ZNF277: variants seen among roughly 807,000 people sequenced by gnomAD.
ZNF277 encodes the protein nuclear receptor-interacting factor 4.
In ZNF277, 55 loss-of-function variants were observed where a neutral mutation model predicts 60.7. That is an observed-to-expected ratio of 0.91 (90% CI 0.73 to 1.13). The LOEUF (loss-of-function observed/expected upper bound fraction) is 1.13, where lower values mean the gene tolerates loss of function less well. ZNF277 is among the 50% of genes most tolerant of loss of function. The pLI, the probability that ZNF277 is intolerant of heterozygous loss-of-function variation, is 0.00. For missense variants in ZNF277, 510 were observed against 523.0 expected (o/e 0.98, Z 0.24); for synonymous variants, 178 against 179.3 (o/e 0.99, Z 0.06).
At chr7:112,217,720 C>G (rs1185051737) in intron 1 of ZNF277, among the ~76,000 whole-genome samples, 3 of 152,202 alleles carry the variant, frequency 2.0e-5, no homozygotes, top group African/African-American at 7.2e-5. Context: ...AAATTAACCA[C>G]CAGATTAAAA....
intron 1 of ZNF277, among the ~76,000 whole-genome samples, chr7:112,215,801 G>GT (rs1447913738): frequency 2.6e-5 from 4 of 151,936 alleles, no homozygotes; most frequent in Non-Finnish European, 4.4e-5. Flanking sequence ...TTTTTTTAGT[G>GT]TTTTTATCCA....
chr7:112,207,483 C>T (rs893953014), intron 1 of ZNF277, among the ~76,000 whole-genome samples: 2 of 152,198 alleles, frequency 1.3e-5, no homozygotes, highest in Non-Finnish European at 2.9e-5. Flanking sequence ...GCACTCGTGG[C>T]TTCAAAGAAC....
intron 1 of ZNF277, among the ~76,000 whole-genome samples, chr7:112,224,547 G>A (rs556432908): frequency 2.0e-5 from 3 of 152,274 alleles, no homozygotes; most frequent in East Asian, 1.9e-4. Flanking sequence ...TCAGGGATAA[G>A]GGGGGATTCC....
chr7:112,266,995 G>A (rs1791565053), intron 1 of ZNF277, among the ~76,000 whole-genome samples: 1 of 152,070 alleles, frequency 6.6e-6, no homozygotes, highest in Admixed American at 6.6e-5. Context: ...TCCTTTTTGA[G>A]TAAGAGTTTG....
chr7:112,310,489 G>GAGAGAGAGAGAGAGAGAGAGAA (rs1305151299), intron 4 of ZNF277, among the ~76,000 whole-genome samples: 31 of 142,904 alleles, frequency 2.2e-4, no homozygotes, highest in African/African-American at 8.6e-4. Flanking sequence ...GTGTGTGTGT[G>GAGAGAGAGAGAGAGAGAGAGAA]TGTATGTATT....
rs549618003 is a variant in ZNF277 at position 112,328,872 on chromosome 7, A to AAAAT, written c.668+1064_668+1067dup. Among the ~76,000 whole-genome samples the AAAAT allele has an allele frequency of 4.6e-3, 699 of 152,226 alleles. 3 individuals are homozygous for AAAAT. Among genetic ancestry groups the AAAAT allele is most frequent in the Non-Finnish European group, 6.6e-3 (448 of 68,004 alleles). ...GCAACAAGAGCAAAACTCTGTCTCAAAAATAAATAAATAAATAAATAAGAG... is the reference window on the plus strand; with the variant it reads ...GCAACAAGAGCAAAACTCTGTCTCAAAAATAAATAAATAAATAAATAAATAAGAG... On this transcript the variant is annotated intron_variant, in intron 6 of 11. Coordinates refer to ENST00000361822, the MANE Select transcript of ZNF277 (RefSeq NM_021994.3).
chr7:112,278,917 G>A (rs1191791342), intron 1 of ZNF277, among the ~76,000 whole-genome samples: 1 of 151,924 alleles, frequency 6.6e-6, no homozygotes, highest in African/African-American at 2.4e-5. Flanking sequence ...ACTTTCCCCA[G>A]CCCTGGCAAC....
intron 1 of ZNF277, among the ~76,000 whole-genome samples, chr7:112,222,272 C>T (rs1822050328): frequency 6.6e-6 from 1 of 152,190 alleles, no homozygotes. Flanking sequence ...GTTAGTTCAT[C>T]TTTAAATGTT....
At chr7:112,256,882 C>T (rs1473137767) in intron 1 of ZNF277, among the ~76,000 whole-genome samples, 2 of 152,132 alleles carry the variant, frequency 1.3e-5, no homozygotes, top group Non-Finnish European at 2.9e-5. Flanking sequence ...CTTCTCTTTG[C>T]ATTTTCATAC....
chr7:112,296,364 A>G (rs1792330364), intron 4 of ZNF277, 53 bp downstream of exon 4: 3 of 848,242 alleles, frequency 3.5e-6, no homozygotes, highest in Admixed American at 2.8e-5. Context: ...ATATAAATAC[A>G]TATAAAATCA....
Position 112,260,124 on chromosome 7 carries a change from G to A in ZNF277, c.92-26749G>A, listed in dbSNP as rs10249415. Among the ~76,000 whole-genome samples, 1,214 of 152,118 alleles carry A rather than the reference G, an allele frequency of 8.0e-3. 13 individuals carry two copies. Among genetic ancestry groups the A allele is most frequent in the African/African-American group, 0.028 (1,153 of 41,488 alleles). ...TCTACTAAAAATACAAAAATTATCC[G>A]GCATGGTGGTGTGCGCCTGTGGTCC... On this transcript the variant is annotated intron_variant, in intron 1 of 11. Coordinates refer to ENST00000361822, the MANE Select transcript of ZNF277 (RefSeq NM_021994.3).
chr7:112,331,356 A>C (rs977729964), intron 7 of ZNF277, among the ~76,000 whole-genome samples: 1 of 152,218 alleles, frequency 6.6e-6, no homozygotes, highest in South Asian at 2.1e-4. Flanking sequence ...CTCCAGAGGA[A>C]TTGGAAGAAA....
At chr7:112,334,593 A>G (rs1308394001) in intron 7 of ZNF277, among the ~76,000 whole-genome samples, 1 of 152,032 alleles carries the variant, frequency 6.6e-6, no homozygotes, top group Non-Finnish European at 1.5e-5. Context: ...GGCCTAGATA[A>G]CTCTCTACAT....
At chr7:112,308,655 A>G (rs1225834356) in intron 4 of ZNF277, among the ~76,000 whole-genome samples, 1 of 152,134 alleles carries the variant, frequency 6.6e-6, no homozygotes, top group African/African-American at 2.4e-5. Flanking sequence ...ATTTTTGAGT[A>G]ACAATTAAAT....
chr7:112,236,620 G>T (rs978838940), intron 1 of ZNF277, among the ~76,000 whole-genome samples: 1 of 152,066 alleles, frequency 6.6e-6, no homozygotes, highest in Non-Finnish European at 1.5e-5. Context: ...TGGAAAACTA[G>T]AATGATTGTG....
At chr7:112,219,272 C>CTTATATTTG (rs1821965848) in intron 1 of ZNF277, among the ~76,000 whole-genome samples, 1 of 152,004 alleles carries the variant, frequency 6.6e-6, no homozygotes, top group African/African-American at 2.4e-5. Flanking sequence ...CTTTTGGGGT[C>CTTATATTTG]GTGTACAAAA....
At chr7:112,213,172 A>C (rs1821798781) in intron 1 of ZNF277, among the ~76,000 whole-genome samples, 1 of 152,200 alleles carries the variant, frequency 6.6e-6, no homozygotes, top group Non-Finnish European at 1.5e-5. Flanking sequence ...TTTAAAAAGA[A>C]GAGTTTTCCT....
chr7:112,225,453 C>A (rs1183208853), intron 1 of ZNF277, among the ~76,000 whole-genome samples: 2 of 152,248 alleles, frequency 1.3e-5, no homozygotes, highest in Admixed American at 1.3e-4. Context: ...GAGAAAGATC[C>A]CTGTTCTTGA....
At chr7:112,333,887 G>A (rs1793276667) in intron 7 of ZNF277, among the ~76,000 whole-genome samples, 1 of 152,166 alleles carries the variant, frequency 6.6e-6, no homozygotes. Flanking sequence ...TTCACATTCA[G>A]ATAACCCTTC....
Sources: gnomAD v4.1 joint callset for allele counts (sites outside exome capture counted in the v4.1 genomes callset) on GRCh38, gnomAD v4.1.1 for gene constraint, MANE v1.5 for transcripts, NCBI Gene and HGNC (gene_info 2026-07-23, HGNC 2026-07-21) for gene names.